FAM107B: variants seen among roughly 807,000 people sequenced by gnomAD.
FAM107B encodes the protein protein FAM107B.
In FAM107B, 21 loss-of-function variants were observed where a neutral mutation model predicts 31.5. The observed-to-expected ratio is 0.67, with a 90% CI of 0.47 to 0.96. The LOEUF (loss-of-function observed/expected upper bound fraction) is 0.96, where lower values mean the gene tolerates loss of function less well. Among genes scored for constraint, FAM107B ranks in the 40% least tolerant of loss-of-function variants. The pLI is 0.00. For synonymous variants in FAM107B, 157 were observed against 141.5 expected (o/e 1.11, Z -0.78); for missense variants, 452 against 377.1 (o/e 1.20, Z -1.64).
chr10:14,756,433 G>T (rs1429369300), intron 1 of FAM107B, among the ~76,000 whole-genome samples: 5 of 152,284 alleles, frequency 3.3e-5, no homozygotes, highest in Middle Eastern at 3.4e-3. Context: ...GATCGTGTGG[G>T]TGGGCCTCAT....
chr10:14,566,955 T>C (rs1850721960), intron 2 of FAM107B, among the ~76,000 whole-genome samples: 1 of 152,106 alleles, frequency 6.6e-6, no homozygotes, highest in Non-Finnish European at 1.5e-5. Context: ...ATGGAGACCA[T>C]CCTGGCTAAC....
At chr10:14,532,362 T>A (rs1347283722) in intron 2 of FAM107B, among the ~76,000 whole-genome samples, 2 of 152,196 alleles carry the variant, frequency 1.3e-5, no homozygotes, top group Non-Finnish European at 2.9e-5. Flanking sequence ...ACAAAGTTAA[T>A]GTGAAAATAA....
chr10:14,721,207 G>T (rs1410645442), intron 1 of FAM107B, among the ~76,000 whole-genome samples: 3 of 152,150 alleles, frequency 2.0e-5, no homozygotes, highest in African/African-American at 7.2e-5. Flanking sequence ...GTATTCCATG[G>T]TGTATATGTG....
intron 1 of FAM107B, among the ~76,000 whole-genome samples, chr10:14,686,132 T>C (rs1237258433): frequency 6.6e-6 from 1 of 152,134 alleles, no homozygotes; most frequent in Non-Finnish European, 1.5e-5. Context: ...CTTATGCCTG[T>C]AGTCCCAGCA....
chr10:14,702,713 A>G (rs1207277603), intron 1 of FAM107B, among the ~76,000 whole-genome samples: 2 of 152,178 alleles, frequency 1.3e-5, no homozygotes, highest in South Asian at 2.1e-4. Context: ...ACAGGAAGAT[A>G]AGCTCTCCCA....
chr10:14,557,737 A>T (rs1358804472), intron 2 of FAM107B, among the ~76,000 whole-genome samples: 1 of 152,172 alleles, frequency 6.6e-6, no homozygotes, highest in Non-Finnish European at 1.5e-5. Flanking sequence ...CGAGGGAGGT[A>T]TTATTATCCT....
intron 1 of FAM107B, among the ~76,000 whole-genome samples, chr10:14,735,501 A>G (rs1210122834): frequency 6.6e-6 from 1 of 152,188 alleles, no homozygotes; most frequent in Non-Finnish European, 1.5e-5. Context: ...TCTGCCCAGT[A>G]GAGGAGACGG....
At chr10:14,577,609 T>C (rs1488603544) in intron 2 of FAM107B, among the ~76,000 whole-genome samples, 1 of 152,346 alleles carries the variant, frequency 6.6e-6, no homozygotes, top group South Asian at 2.1e-4. Context: ...GTTGAGATCC[T>C]GGGATTTCAG....
At chr10:14,611,484 T>TTATATATATATA (rs3035276) in intron 2 of FAM107B, among the ~76,000 whole-genome samples, 8 of 124,688 alleles carry the variant, frequency 6.4e-5, no homozygotes, top group Non-Finnish European at 3.3e-5. Flanking sequence ...AATGCCAGTT[T>TTATATATATATA]TATATATATA....
intron 2 of FAM107B, chr10:14,572,491 G>C (rs766506365): frequency 2.6e-6 from 2 of 772,756 alleles, no homozygotes; most frequent in African/African-American, 3.8e-5. Context: ...TGGCCCTCCT[G>C]AGGCTGGGAT....
intron 2 of FAM107B, among the ~76,000 whole-genome samples, chr10:14,646,331 C>A (rs141860702): frequency 6.6e-6 from 1 of 152,044 alleles, no homozygotes; most frequent in South Asian, 2.1e-4. Flanking sequence ...TCATTCCTCA[C>A]CCCCGTCCAC....
chr10:14,717,949 G>T (rs1348122169), intron 1 of FAM107B, among the ~76,000 whole-genome samples: 1 of 152,116 alleles, frequency 6.6e-6, no homozygotes, highest in Non-Finnish European at 1.5e-5. Flanking sequence ...TCTGGAATAG[G>T]GGTTTTATGA....
chr10:14,596,055 C>T (rs536195234), intron 2 of FAM107B, among the ~76,000 whole-genome samples: 13 of 152,334 alleles, frequency 8.5e-5, no homozygotes, highest in Admixed American at 2.0e-4. Flanking sequence ...CCCCACTGCA[C>T]AGCTCTCTTC....
chr10:14,619,069 A>G (rs1397713725), intron 2 of FAM107B, among the ~76,000 whole-genome samples: 3 of 152,050 alleles, frequency 2.0e-5, no homozygotes, highest in Non-Finnish European at 4.4e-5. Context: ...TGAGGAAGGA[A>G]ACTCTCCTAT....
chr10:14,652,292 T>C (rs1853921072), intron 2 of FAM107B, among the ~76,000 whole-genome samples: 1 of 152,202 alleles, frequency 6.6e-6, no homozygotes, highest in Admixed American at 6.5e-5. Context: ...TTAGGCTTTC[T>C]AAAGAGCACC....
At chr10:14,720,277 G>A (rs764064035) in intron 1 of FAM107B, among the ~76,000 whole-genome samples, 1 of 152,008 alleles carries the variant, frequency 6.6e-6, no homozygotes, top group Non-Finnish European at 1.5e-5. Context: ...CCTTTGAGAA[G>A]GAATCTCACT....
At chr10:14,599,340 C>T (rs1475402467) in intron 2 of FAM107B, among the ~76,000 whole-genome samples, 1 of 152,184 alleles carries the variant, frequency 6.6e-6, no homozygotes, top group African/African-American at 2.4e-5. Flanking sequence ...CTCACAGCCT[C>T]TAAGGGGGTG....
At chr10:14,757,886 G>A (rs1201238492) in intron 1 of FAM107B, among the ~76,000 whole-genome samples, 2 of 152,126 alleles carry the variant, frequency 1.3e-5, no homozygotes, top group African/African-American at 4.8e-5. Context: ...AAAACCATCT[G>A]GTTGGGTTTT....
intron 1 of FAM107B, among the ~76,000 whole-genome samples, chr10:14,714,444 A>T (rs752755977): frequency 2.6e-5 from 4 of 152,198 alleles, no homozygotes; most frequent in Admixed American, 6.5e-5. Context: ...TGAAAATAAG[A>T]TGCAAATGGC....
Sources: gnomAD v4.1 joint callset for allele counts (sites outside exome capture counted in the v4.1 genomes callset) on GRCh38, gnomAD v4.1.1 for gene constraint, MANE v1.5 for transcripts, NCBI Gene and HGNC (gene_info 2026-07-23, HGNC 2026-07-21) for gene names.